Variants in MYOM1 observed in about 807,000 individuals in gnomAD.
MYOM1 encodes the protein myomesin-1.
In MYOM1, 164 loss-of-function variants were observed where a neutral mutation model predicts 205.3. The observed-to-expected ratio is 0.80, with a 90% CI of 0.70 to 0.91. MYOM1 has a LOEUF of 0.91. MYOM1 is among the 40% of genes least tolerant of loss of function. The pLI is 0.00. For missense variants in MYOM1, 2,011 were observed against 2,127.3 expected (o/e 0.95, Z 1.08); for synonymous variants, 772 against 789.4 (o/e 0.98, Z 0.37).
Position 3,193,381 on chromosome 18 carries a change from C to CACACACAA in MYOM1, c.431+436_431+437insTTGTGTGT, listed in dbSNP as rs139388864. The stretch of plus-strand genomic sequence containing the variant: ...ATATATACACACACACACACACACA[C>CACACACAA]AATAATAAAAATTCACCCAACATTT... On this transcript the variant is annotated intron_variant, in intron 3 of 37. Transcript: ENST00000356443. Among the ~76,000 whole-genome samples, 205 of 141,448 alleles carry CACACACAA rather than the reference C, an allele frequency of 1.4e-3. 1 individual carries two copies. The highest frequency in any genetic ancestry group is 7.0e-3 in the East Asian group (35 of 4,972). 92.8% of individuals were successfully genotyped at this position (141,448 alleles called of 152,430 possible). A position where few individuals can be genotyped will look rare whatever the true frequency, so the allele number is the denominator to read the frequency against.
At chr18:3,078,048 T>G (rs1204620727) in intron 34 of MYOM1, among the ~76,000 whole-genome samples, 3 of 151,938 alleles carry the variant, frequency 2.0e-5, no homozygotes, top group Non-Finnish European at 4.4e-5. Context: ...GGTTGTATTT[T>G]TTTTTTTTTT....
intron 5 of MYOM1, among the ~76,000 whole-genome samples, chr18:3,183,108 T>C (rs772314535): frequency 7.2e-5 from 11 of 152,092 alleles, no homozygotes; most frequent in Non-Finnish European, 1.5e-4. Flanking sequence ...TTTGTATTTT[T>C]AGTAGAGACA....
At chr18:3,169,664 T>A (rs2080526467) in intron 8 of MYOM1, among the ~76,000 whole-genome samples, 1 of 152,148 alleles carries the variant, frequency 6.6e-6, no homozygotes, top group African/African-American at 2.4e-5. Context: ...CTGACAAAGA[T>A]GTGGAGACAA....
At chr18:3,078,700 T>A (rs1286265794) in intron 34 of MYOM1, among the ~76,000 whole-genome samples, 1 of 152,158 alleles carries the variant, frequency 6.6e-6, no homozygotes, top group African/African-American at 2.4e-5. Flanking sequence ...CCTCCCAAAG[T>A]GCTAGGATTA....
chr18:3,115,676 G>A (rs144770889), intron 21 of MYOM1, among the ~76,000 whole-genome samples: 8 of 152,140 alleles, frequency 5.3e-5, no homozygotes, highest in African/African-American at 1.9e-4. Context: ...TAACACTAGC[G>A]GAAAATATTC....
rs535003233 is a variant in MYOM1 at position 3,147,905 on chromosome 18, CA to C, written c.1900+1239del. Among the ~76,000 whole-genome samples the C allele has an allele frequency of 2.6e-4, 39 of 152,026 alleles. No homozygotes were observed. In the South Asian group the frequency reaches 6.6e-3, roughly 26 times the overall value. On this transcript the variant is annotated intron_variant, in intron 13 of 37. Coordinates refer to ENST00000356443, the MANE Select transcript of MYOM1 (RefSeq NM_003803.4). Reference sequence around the variant, plus strand: ...GTAAAAACTAATGCTATAACATTTCCAGGGGGAAAAAAACAGGAAAAATACC... The same window carrying C: ...GTAAAAACTAATGCTATAACATTTCCGGGGGAAAAAAACAGGAAAAATACC...
intron 4 of MYOM1, 96 bp from the exon 5 acceptor site, chr18:3,187,733 T>C (rs1236886308): frequency 8.2e-7 from 1 of 1,221,938 alleles, no homozygotes; most frequent in Non-Finnish European, 1.1e-6. Flanking sequence ...GCAAAAGTTT[T>C]ATTTTTCCAT....
At chr18:3,147,794 T>G (rs2080151347) in intron 13 of MYOM1, among the ~76,000 whole-genome samples, 1 of 152,204 alleles carries the variant, frequency 6.6e-6, no homozygotes, top group African/African-American at 2.4e-5. Context: ...AATAGCCATA[T>G]GCAAGTATGA....
intron 2 of MYOM1, among the ~76,000 whole-genome samples, chr18:3,204,256 T>A (rs2081104409): frequency 6.6e-6 from 1 of 151,976 alleles, no homozygotes; most frequent in Non-Finnish European, 1.5e-5. Context: ...TCTGGGTAAT[T>A]AACTTTTTAA....
At chr18:3,089,670 G>C in intron 27 of MYOM1, 74 bp from the exon 28 acceptor site, 1 of 1,152,360 alleles carries the variant, frequency 8.7e-7, no homozygotes, top group Non-Finnish European at 1.2e-6. Flanking sequence ...ACTGCACTAA[G>C]TGATTTATAT....
At chr18:3,170,132 C>A (rs143180714) in intron 8 of MYOM1, among the ~76,000 whole-genome samples, 2 of 152,134 alleles carry the variant, frequency 1.3e-5, no homozygotes, top group Admixed American at 6.6e-5. Flanking sequence ...ATGATGGTTA[C>A]CAGAGGCTGG....
rs1218132330 is a variant in MYOM1, at chr18:3,219,546, A to G, written c.-29+257T>C. ...TACAGTTCAATCCGAGGCAGATATG[A>G]CCTCCTTACAGTTCCAGGAACAGCA... On this transcript the variant is annotated intron_variant, in intron 1 of 37. Coordinates refer to ENST00000356443, the MANE Select transcript of MYOM1 (RefSeq NM_003803.4). The surrounding 1 kb of genome is among the most constrained non-coding windows in gnomAD (Gnocchi z 4.4). Among the ~76,000 whole-genome samples the G allele has an allele frequency of 1.3e-5, 2 of 152,102 alleles. No individual in the cohort carries two copies. Among genetic ancestry groups the G allele is most frequent in the Non-Finnish European group, 2.9e-5 (2 of 68,018 alleles).
chr18:3,072,815 C>T (rs2078976476), intron 36 of MYOM1, among the ~76,000 whole-genome samples: 1 of 152,098 alleles, frequency 6.6e-6, no homozygotes, highest in Non-Finnish European at 1.5e-5. Flanking sequence ...GACCCTTCTG[C>T]AGCTTAGTAG....
chr18:3,069,936 G>C (rs2078940869), intron 37 of MYOM1, among the ~76,000 whole-genome samples: 2 of 152,174 alleles, frequency 1.3e-5, no homozygotes, highest in Non-Finnish European at 2.9e-5. Context: ...CAGTGGCTGA[G>C]CTTAAAATCA....
chr18:3,147,179 T>C (rs1173335308), intron 13 of MYOM1, among the ~76,000 whole-genome samples: 2 of 145,088 alleles, frequency 1.4e-5, no homozygotes, highest in African/African-American at 5.1e-5. Flanking sequence ...ATATAAAAAG[T>C]CAGATACTCT....
intron 19 of MYOM1, 45 bp from the exon 20 acceptor site, chr18:3,120,040 T>G (rs77973657): frequency 4.5e-5 from 53 of 1,186,728 alleles, no homozygotes; most frequent in Non-Finnish European, 5.9e-5. Flanking sequence ...TCCAGGTTTG[T>G]TTTTTTTTTT....
Position 3,094,288 on chromosome 18 carries a change from T to A in MYOM1, c.3746A>T (p.Glu1249Val). The A allele has an allele frequency of 6.2e-7, 1 of 1,613,456 alleles. No homozygotes were observed. Among genetic ancestry groups the A allele is most frequent in the South Asian group, 1.1e-5 (1 of 91,038 alleles). ...HKFPTVPVKS[E>V]LAVEILEKGQ... The stretch of plus-strand genomic sequence containing the variant: ...TTTCTCCAAAATTTCAACTGCCAAC[T>A]CTGATTTAACTGGGACAGCTATGAA... The change falls in exon 26 of 38, where the codon GAG becomes GTG. Residue 1249 changes from glutamate (E) to valine (V), a missense_variant. Coordinates refer to ENST00000356443, the MANE Select transcript of MYOM1 (RefSeq NM_003803.4).
intron 23 of MYOM1, 53 bp from the exon 24 acceptor site, chr18:3,100,479 C>T: frequency 1.5e-6 from 2 of 1,328,434 alleles, no homozygotes; most frequent in Non-Finnish European, 2.1e-6. Flanking sequence ...ATCTGTGGGC[C>T]TGTGTTTCCC....
chr18:3,193,381 C>CACACACAT (rs139388864), intron 3 of MYOM1, among the ~76,000 whole-genome samples: 2 of 141,400 alleles, frequency 1.4e-5, no homozygotes, highest in African/African-American at 5.8e-5. Context: ...CACACACACA[C>CACACACAT]AATAATAAAA....
Sources: allele counts gnomAD v4.1 joint callset (sites outside exome capture counted in the v4.1 genomes callset), GRCh38; gene constraint gnomAD v4.1.1; non-coding constraint Gnocchi (gnomAD v3.1); transcripts MANE v1.5; gene names NCBI Gene and HGNC (gene_info 2026-07-23, HGNC 2026-07-21).